KLHDC1: variants seen among roughly 807,000 people sequenced by gnomAD.
The protein encoded by KLHDC1 is kelch domain containing 1, also known as kelch domain-containing protein 1.
KLHDC1 carries 53 observed loss-of-function variants against 68.3 expected under a neutral mutation model. The ratio of observed to expected loss-of-function variants is 0.78; its 90% CI spans 0.62 to 0.98. KLHDC1 has a LOEUF of 0.98. Ranked by LOEUF, KLHDC1 falls within the 50% of genes least tolerant of loss-of-function variation. KLHDC1 has a pLI of 0.00. For missense variants in KLHDC1, 470 were observed against 492.3 expected, an observed-to-expected ratio of 0.95 and a Z score of 0.43; for synonymous variants, 148 against 159.0, an observed-to-expected ratio of 0.93 and a Z score of 0.52.
At chr14:49,705,670 A>G (rs909258002) in intron 1 of KLHDC1, among the ~76,000 whole-genome samples, 2 of 151,980 alleles carry the variant, frequency 1.3e-5, no homozygotes, top group African/African-American at 4.8e-5. Flanking sequence ...TGCCCAGCCT[A>G]TAATATTTCT....
At chr14:49,742,384 G>A (rs1318701927) in intron 11 of KLHDC1, among the ~76,000 whole-genome samples, 1 of 152,142 alleles carries the variant, frequency 6.6e-6, no homozygotes, top group African/African-American at 2.4e-5. Context: ...GAATTCCCGG[G>A]GAGGGCTGGG....
intron 5 of KLHDC1, 192 bp from the exon 6 acceptor site, chr14:49,725,494 G>A (rs1452909047): frequency 2.3e-6 from 1 of 442,430 alleles, no homozygotes; most frequent in Non-Finnish European, 4.1e-6. Flanking sequence ...AAAGTTGCCA[G>A]GTGGTGCTGC....
At chr14:49,732,374 T>C (rs1888831799) in intron 8 of KLHDC1, among the ~76,000 whole-genome samples, 1 of 152,142 alleles carries the variant, frequency 6.6e-6, no homozygotes, top group South Asian at 2.1e-4. Context: ...GGTTTCACCA[T>C]GCTGCCCAGT....
chr14:49,697,074 C>T lies in KLHDC1; in HGVS notation c.96+3784C>T, dbSNP rs548835191. ...GCTTCAGCCTCCCGAGAAGCTGGGA[C>T]TACAGGCGTGTGCCACCACACCCAG... On this transcript the variant is annotated intron_variant, in intron 1 of 12. Transcript: ENST00000359332. Among the ~76,000 whole-genome samples the T allele has an allele frequency of 1.8e-4, 27 of 152,202 alleles. No homozygotes were observed. The East Asian group carries it at 4.8e-3, about 27-fold the overall frequency.
chr14:49,695,493 C>G (rs1887714392), intron 1 of KLHDC1, among the ~76,000 whole-genome samples: 2 of 152,280 alleles, frequency 1.3e-5, no homozygotes, highest in South Asian at 4.1e-4. Flanking sequence ...CAACAATAAA[C>G]TACTCAGTAA....
rs117144842 is a variant in KLHDC1, at chr14:49,739,763, G to A, written c.897-335G>A. On this transcript the variant is annotated intron_variant, in intron 10 of 12. Transcript: ENST00000359332. Reference sequence around the variant, plus strand: ...GGATATAGTAGAGTTATTAAGAGTCGTCTCTGGCTGCGTGTGGTGGCTCAT... The same window carrying A: ...GGATATAGTAGAGTTATTAAGAGTCATCTCTGGCTGCGTGTGGTGGCTCAT... Among the ~76,000 whole-genome samples the A allele has an allele frequency of 6.9e-3, 1,052 of 152,140 alleles. 13 individuals carry two copies. The highest frequency in any genetic ancestry group is 0.022 in the African/African-American group (920 of 41,494).
rs1242502127 is a variant in KLHDC1 at position 49,718,780 on chromosome 14, T to C, written c.405-5094T>C. On this transcript the variant is annotated intron_variant, in intron 4 of 12. Transcript: ENST00000359332. ...TCTTTTCTTTCTTTCTTTTTTTTTT[T>C]TTTTTTTTTTTTTTGAGTCGTAGTC... is the stretch of plus-strand genomic sequence containing the variant. 1.1e-3 allele frequency among the ~76,000 whole-genome samples: 146 copies of C among 134,466 alleles called. 1 individual carries two copies. The highest frequency in any genetic ancestry group is 1.9e-3 in the Non-Finnish European group (118 of 62,484). 88.2% of individuals were successfully genotyped at this position (134,466 alleles called of 152,430 possible).
chr14:49,712,898 C>A (rs1325455927), intron 4 of KLHDC1, among the ~76,000 whole-genome samples: 1 of 151,804 alleles, frequency 6.6e-6, no homozygotes, highest in African/African-American at 2.4e-5. Flanking sequence ...CCTTGGCCTC[C>A]GAAAGTGCTG....
In KLHDC1 at chr14:49,713,815, TATATATATATATATATA is replaced by T. The variant is rs1888277491; in HGVS notation, c.404+3435_404+3451del. 9.7e-4 allele frequency among the ~76,000 whole-genome samples: 5 copies of T among 5,174 alleles called. No individual in the cohort carries two copies. The Non-Finnish European group carries it at 0.014, about 14-fold the overall frequency. The allele number at this position is 5,174 out of a possible 152,430, so 3.4% of individuals were successfully genotyped here. A position where few individuals can be genotyped will look rare whatever the true frequency, so the allele number is the denominator to read the frequency against. On this transcript the variant is annotated intron_variant, in intron 4 of 12. Transcript: ENST00000359332. ...GGCAGGAGGTATATATATATATATA[TATATATATATATATATA>T]TATATATATATATATATATTTTTTT...
chr14:49,710,415 T>C (rs1186791039), intron 4 of KLHDC1, 34 bp downstream of exon 4: 2 of 1,080,660 alleles, frequency 1.9e-6, no homozygotes, highest in Admixed American at 3.5e-5. Flanking sequence ...GCATTATGTC[T>C]ACCTAAGCAA....
chr14:49,696,693 G>A (rs1286622994), intron 1 of KLHDC1, among the ~76,000 whole-genome samples: 1 of 152,104 alleles, frequency 6.6e-6, no homozygotes, highest in African/African-American at 2.4e-5. Context: ...GAATAAGGCT[G>A]TTTTGCTTTC....
At chr14:49,712,338 A>G (rs542049057) in intron 4 of KLHDC1, among the ~76,000 whole-genome samples, 9 of 152,278 alleles carry the variant, frequency 5.9e-5, no homozygotes, top group Non-Finnish European at 8.8e-5. Context: ...TAGAATCCCA[A>G]TAGTCTGCAC....
intron 11 of KLHDC1, among the ~76,000 whole-genome samples, chr14:49,740,876 CTTG>C: frequency 6.6e-6 from 1 of 152,100 alleles, no homozygotes; most frequent in Admixed American, 6.5e-5. Flanking sequence ...AGGCAAATCA[CTTG>C]AGGCCAGGAG....
intron 4 of KLHDC1, among the ~76,000 whole-genome samples, chr14:49,715,761 A>T (rs202180741): frequency 0.091 from 9,128 of 99,896 alleles, 633 homozygotes; most frequent in East Asian, 0.32. Context: ...AAAAAAAAAA[A>T]AAAAATATAT....
chr14:49,693,888 G>C (rs1310973718), intron 1 of KLHDC1, among the ~76,000 whole-genome samples: 1 of 150,944 alleles, frequency 6.6e-6, no homozygotes, highest in Non-Finnish European at 1.5e-5. Context: ...CTAGTAGCTG[G>C]GCTTACCGGC....
chr14:49,740,242 G>C, intron 11 of KLHDC1, 60 bp downstream of exon 11: 1 of 939,612 alleles, frequency 1.1e-6, no homozygotes, highest in Non-Finnish European at 1.7e-6. Context: ...ACACTAAATG[G>C]CTATTCAGCA....
intron 4 of KLHDC1, among the ~76,000 whole-genome samples, chr14:49,720,096 C>T (rs1193077897): frequency 6.6e-6 from 1 of 152,030 alleles, no homozygotes; most frequent in Non-Finnish European, 1.5e-5. Context: ...AAGCAATTCT[C>T]CTGCCTCAGC....
chr14:49,750,629 TG>T (rs1032969944), intron 12 of KLHDC1, among the ~76,000 whole-genome samples: 16 of 152,252 alleles, frequency 1.1e-4, no homozygotes, highest in African/African-American at 3.9e-4. Flanking sequence ...CAAATGAGTC[TG>T]TTAAAAAAAT....
chr14:49,728,719 A>C (rs1050244213), intron 6 of KLHDC1, among the ~76,000 whole-genome samples: 2 of 152,244 alleles, frequency 1.3e-5, no homozygotes, highest in Non-Finnish European at 2.9e-5. Context: ...TCAAAAGTAA[A>C]GATCAGGGAG....
Sources: allele counts gnomAD v4.1 joint callset (sites outside exome capture counted in the v4.1 genomes callset), GRCh38; gene constraint gnomAD v4.1.1; transcripts MANE v1.5; gene names NCBI Gene and HGNC (gene_info 2026-07-23, HGNC 2026-07-21).